Variants in HPCAL1 observed in about 807,000 individuals in gnomAD.
The protein encoded by HPCAL1 is hippocalcin like 1.
A neutral mutation model predicts 17.1 loss-of-function variants in HPCAL1; 8 were observed. The ratio of observed to expected loss-of-function variants is 0.47; its 90% CI spans 0.27 to 0.84. The LOEUF is 0.84. Among genes scored for constraint, HPCAL1 ranks in the 40% least tolerant of loss-of-function variants. The pLI is 0.13. For missense variants in HPCAL1, 165 were observed against 271.1 expected, an observed-to-expected ratio of 0.61 and a Z score of 2.75; for synonymous variants, 112 against 111.4, an observed-to-expected ratio of 1.01 and a Z score of -0.03.
At chr2:10,378,554 G>C (rs1372419784) in intron 1 of HPCAL1, among the ~76,000 whole-genome samples, 3 of 152,104 alleles carry the variant, frequency 2.0e-5, no homozygotes, top group Admixed American at 6.5e-5. Context: ...TGTGGAATGA[G>C]AGCAAACTAT....
chr2:10,393,370 A>G (rs1464762545), intron 1 of HPCAL1, among the ~76,000 whole-genome samples: 1 of 152,234 alleles, frequency 6.6e-6, no homozygotes, highest in African/African-American at 2.4e-5. Context: ...CCGGAACAGC[A>G]GACCCCCTTC....
intron 1 of HPCAL1, among the ~76,000 whole-genome samples, chr2:10,389,592 T>C (rs560147298): frequency 1.2e-4 from 18 of 152,238 alleles, no homozygotes; most frequent in African/African-American, 2.4e-4. Flanking sequence ...ATGTTTGTTA[T>C]TGAAGCCACC....
rs1225640590 is a variant in HPCAL1 at position 10,363,051 on chromosome 2, G to T, written c.-110-33784G>T. 6.6e-6 allele frequency among the ~76,000 whole-genome samples: 1 copy of T among 152,192 alleles called. No homozygotes were observed. Among genetic ancestry groups the T allele is most frequent in the Non-Finnish European group, 1.5e-5 (1 of 68,028 alleles). ...TGGGAGGATTACTTGAGCCTAGGAG[G>T]TTGAGGCTGCAGTGAACCATGATCA... is the stretch of plus-strand genomic sequence containing the variant. On this transcript the variant is annotated intron_variant, in intron 1 of 4. Coordinates refer to ENST00000307845, the MANE Select transcript of HPCAL1 (RefSeq NM_002149.4). This position sits in a 1 kb window ranked among gnomAD's most constrained non-coding sequence, Gnocchi z 4.7.
At chr2:10,333,315 C>T (rs1319176725) in intron 1 of HPCAL1, among the ~76,000 whole-genome samples, 6 of 152,172 alleles carry the variant, frequency 3.9e-5, no homozygotes, top group African/African-American at 2.4e-5. Flanking sequence ...ACTGGTGTAA[C>T]GTTTCTCCAT....
Position 10,323,271 on chromosome 2 carries a change from A to G in HPCAL1, c.-111+20094A>G, listed in dbSNP as rs892505888. Among the ~76,000 whole-genome samples, 16 of 152,214 alleles carry G rather than the reference A, an allele frequency of 1.1e-4. No homozygotes were observed. The highest frequency in any genetic ancestry group is 1.4e-4 in the African/African-American group (6 of 41,458). On this transcript the variant is annotated intron_variant, in intron 1 of 4. Coordinates refer to ENST00000307845, the MANE Select transcript of HPCAL1 (RefSeq NM_002149.4). This position sits in a 1 kb window ranked among gnomAD's most constrained non-coding sequence, Gnocchi z 4.6. The stretch of plus-strand genomic sequence containing the variant: ...TTGCAGGTTCCCGTCCAGCCTCTCA[A>G]GCTGGCTGCTCCCCTTTCTCAGTTG...
In HPCAL1 at chr2:10,327,411, T is replaced by C. The variant is rs111493185; in HGVS notation, c.-111+24234T>C. On this transcript the variant is annotated intron_variant, in intron 1 of 4. Coordinates refer to ENST00000307845, the MANE Select transcript of HPCAL1 (RefSeq NM_002149.4). ...CGAGTGGCTAGCGTCAGGTGGGGGA[T>C]TAGACTCTGGTTCTTTGCTTCCTGG... is the stretch of plus-strand genomic sequence containing the variant. Among the ~76,000 whole-genome samples, 501 of 152,286 alleles carry C rather than the reference T, an allele frequency of 3.3e-3. 4 individuals are homozygous for C. Among genetic ancestry groups the C allele is most frequent in the African/African-American group, 0.011 (475 of 41,560 alleles).
In HPCAL1 at chr2:10,365,435, G is replaced by A. The variant is rs570880418; in HGVS notation, c.-110-31400G>A. On this transcript the variant is annotated intron_variant, in intron 1 of 4. Transcript: ENST00000307845. This position sits in a 1 kb window ranked among gnomAD's most constrained non-coding sequence, Gnocchi z 4.8. ...TGCCAGCTATTTGAACGGACAGCCC[G>A]GAGTCTGTGCAGGAGTTGGAGGTAG... is the stretch of plus-strand genomic sequence containing the variant. Among the ~76,000 whole-genome samples, 16 of 152,312 alleles carry A rather than the reference G, an allele frequency of 1.1e-4. No homozygotes were observed. In the East Asian group the frequency reaches 2.5e-3, roughly 24 times the overall value.
At chr2:10,360,135 C>T (rs1449626824) in intron 1 of HPCAL1, among the ~76,000 whole-genome samples, 4 of 152,142 alleles carry the variant, frequency 2.6e-5, no homozygotes, top group Non-Finnish European at 4.4e-5. Flanking sequence ...CTGGGTAGAG[C>T]GTGTCGGGTG....
intron 1 of HPCAL1, among the ~76,000 whole-genome samples, chr2:10,337,342 G>A (rs1285315380): frequency 6.6e-6 from 1 of 152,096 alleles, no homozygotes; most frequent in African/African-American, 2.4e-5. Flanking sequence ...TATTTGTAAA[G>A]TATTTACTAT....
chr2:10,304,368 C>A lies in HPCAL1; in HGVS notation c.-111+1191C>A, dbSNP rs933891941. ...CCCGCACATGCAGATCTCGGGCTCCCGGGGTGTCCCGGCCGCCAAAGGCCA... is the reference window on the plus strand; with the variant it reads ...CCCGCACATGCAGATCTCGGGCTCCAGGGGTGTCCCGGCCGCCAAAGGCCA... On this transcript the variant is annotated intron_variant, in intron 1 of 4. Transcript: ENST00000307845. This position sits in a 1 kb window ranked among gnomAD's most constrained non-coding sequence, Gnocchi z 4.1. Among the ~76,000 whole-genome samples, 1 of 152,128 alleles carries A rather than the reference C, an allele frequency of 6.6e-6. No individual in the cohort carries two copies. The highest frequency in any genetic ancestry group is 6.5e-5 in the Admixed American group (1 of 15,310).
At chr2:10,350,045 C>T (rs1360557167) in intron 1 of HPCAL1, among the ~76,000 whole-genome samples, 1 of 152,186 alleles carries the variant, frequency 6.6e-6, no homozygotes, top group African/African-American at 2.4e-5. Context: ...CCCAAACATT[C>T]AACTCTGTTT....
In HPCAL1 at chr2:10,394,336, C is replaced by T. The variant is rs1219432777; in HGVS notation, c.-110-2499C>T. Among the ~76,000 whole-genome samples, 2 of 152,114 alleles carry T rather than the reference C, an allele frequency of 1.3e-5. No homozygotes were observed. The highest frequency in any genetic ancestry group is 6.5e-5 in the Admixed American group (1 of 15,286). ...GGGATGATGAAATGAGGACCTGGTA[C>T]ATTCTGCTGCTGGTTCCATTGCTGG... is the stretch of plus-strand genomic sequence containing the variant. On this transcript the variant is annotated intron_variant, in intron 1 of 4. Transcript: ENST00000307845. This position sits in a 1 kb window ranked among gnomAD's most constrained non-coding sequence, Gnocchi z 5.0.
At chr2:10,422,838 T>G (rs1671147527) in intron 3 of HPCAL1, 145 bp from the exon 4 acceptor site, 1 of 616,468 alleles carries the variant, frequency 1.6e-6, no homozygotes, top group African/African-American at 1.9e-5. Context: ...TAGGGAACAT[T>G]CTCCCCACTG....
At position 10,344,789 on chromosome 2, in the gene HPCAL1, TTCTG is replaced by T. The variant is rs1417672847; in HGVS notation, c.-111+41616_-111+41619del. On this transcript the variant is annotated intron_variant, in intron 1 of 4. Transcript: ENST00000307845. This position sits in a 1 kb window ranked among gnomAD's most constrained non-coding sequence, Gnocchi z 4.9. The stretch of plus-strand genomic sequence containing the variant: ...TGTGTGTCTCTCTCTGTGCCTGACT[TTCTG>T]TCTCTTTCTGCTTCTCTCTCTGTGT... 4.0e-5 allele frequency among the ~76,000 whole-genome samples: 6 copies of T among 151,162 alleles called. No individual in the cohort carries two copies. The highest frequency in any genetic ancestry group is 8.9e-5 in the Non-Finnish European group (6 of 67,746).
chr2:10,353,855 C>T (rs766178846), intron 1 of HPCAL1, among the ~76,000 whole-genome samples: 4 of 152,230 alleles, frequency 2.6e-5, no homozygotes, highest in Non-Finnish European at 4.4e-5. Context: ...AGCCACCACA[C>T]CTGGTCTCAA....
intron 1 of HPCAL1, among the ~76,000 whole-genome samples, chr2:10,317,103 C>T (rs1663363534): frequency 6.6e-6 from 1 of 152,154 alleles, no homozygotes; most frequent in Non-Finnish European, 1.5e-5. Context: ...TCCTGGGTAT[C>T]CCAGTTGTCC....
chr2:10,324,816 G>GTT (rs3036350), intron 1 of HPCAL1, among the ~76,000 whole-genome samples: 1,358 of 66,342 alleles, frequency 0.02, 39 homozygotes, highest in East Asian at 0.063. Flanking sequence ...TGGTTTTTGT[G>GTT]TTTTTTTTTT....
chr2:10,419,625 T>C lies in HPCAL1; in HGVS notation c.-24-109T>C, dbSNP rs1670905658. ...TTCCGATGGGGGACCCGGGAGTTGCTGAGTCGCAGCGCTTGCACAGCGATG... is the reference window on the plus strand; with the variant it reads ...TTCCGATGGGGGACCCGGGAGTTGCCGAGTCGCAGCGCTTGCACAGCGATG... On this transcript the variant is annotated intron_variant, in intron 2 of 4. Coordinates refer to ENST00000307845, the MANE Select transcript of HPCAL1 (RefSeq NM_002149.4). This position sits in a 1 kb window ranked among gnomAD's most constrained non-coding sequence, Gnocchi z 5.0. 1.4e-5 allele frequency: 15 copies of C among 1,073,706 alleles called. No individual in the cohort carries two copies. Among genetic ancestry groups the C allele is most frequent in the Non-Finnish European group, 1.8e-5 (14 of 767,806 alleles). 66.5% of individuals were successfully genotyped at this position (1,073,706 alleles called of 1,614,324 possible). A position where few individuals can be genotyped will look rare whatever the true frequency, so the allele number is the denominator to read the frequency against.
chr2:10,368,298 A>G (rs1399946691), intron 1 of HPCAL1, among the ~76,000 whole-genome samples: 4 of 143,788 alleles, frequency 2.8e-5, no homozygotes, highest in African/African-American at 7.9e-5. Context: ...GTAGGTGTGC[A>G]TGTGTGTGCA....
Sources: allele counts gnomAD v4.1 joint callset (sites outside exome capture counted in the v4.1 genomes callset), GRCh38; gene constraint gnomAD v4.1.1; non-coding constraint Gnocchi (gnomAD v3.1); transcripts MANE v1.5; gene names NCBI Gene and HGNC (gene_info 2026-07-23, HGNC 2026-07-21).